The following STPG2 variants were observed in gnomAD, a reference collection of about 807,000 sequenced individuals.
STPG2 encodes sperm-tail PG-rich repeat-containing protein 2.
Under a neutral mutation model 54.2 loss-of-function variants are expected in STPG2, and 56 were observed. That is an observed-to-expected ratio of 1.03 (90% CI 0.83 to 1.29). STPG2 has a LOEUF of 1.29. Among genes scored for constraint, STPG2 ranks in the 50% most tolerant of loss-of-function variants. The probability of loss-of-function intolerance (pLI) is 0.00; values close to 1 mark genes in which losing one functional copy is unlikely to be tolerated. For synonymous variants in STPG2, 200 were observed against 181.8 expected (o/e 1.10, Z -0.81); for missense variants, 596 against 544.9 (o/e 1.09, Z -0.93).
At chr4:97,688,169 T>A (rs1449340870) in intron 10 of STPG2, among the ~76,000 whole-genome samples, 2 of 152,186 alleles carry the variant, frequency 1.3e-5, no homozygotes, top group African/African-American at 2.4e-5. Context: ...CTGCTTTTTT[T>A]AATGTACTAC....
intron 4 of STPG2, among the ~76,000 whole-genome samples, chr4:97,501,488 T>C (rs531023765): frequency 5.0e-4 from 76 of 151,960 alleles, no homozygotes; most frequent in Admixed American, 1.2e-3. Context: ...GGTAGGCAGA[T>C]TGCCTGAGCT....
intron 9 of STPG2, among the ~76,000 whole-genome samples, chr4:97,783,081 G>A (rs1726702360): frequency 6.6e-6 from 1 of 152,156 alleles, no homozygotes; most frequent in Admixed American, 6.5e-5. Flanking sequence ...TTCACAAATT[G>A]GATCTAATTA....
intron 4 of STPG2, among the ~76,000 whole-genome samples, chr4:97,538,497 G>C (rs996267915): frequency 6.6e-6 from 1 of 152,134 alleles, no homozygotes; most frequent in Admixed American, 6.5e-5. Context: ...AGAGAAAAAA[G>C]AATACGAAGA....
chr4:97,999,468 C>T (rs1200085000), intron 5 of STPG2, among the ~76,000 whole-genome samples: 6 of 151,812 alleles, frequency 4.0e-5, no homozygotes, highest in Admixed American at 6.6e-5. Context: ...TTTGGGAGGC[C>T]GAGGTGGGCA....
chr4:97,772,042 C>T (rs777816634), intron 9 of STPG2, among the ~76,000 whole-genome samples: 10 of 152,210 alleles, frequency 6.6e-5, no homozygotes, highest in Non-Finnish European at 1.2e-4. Flanking sequence ...TGGAGAGCCC[C>T]TTCCTCCTGA....
chr4:98,092,082 G>A (rs1180395847), intron 5 of STPG2, among the ~76,000 whole-genome samples: 1 of 151,990 alleles, frequency 6.6e-6, no homozygotes, highest in Non-Finnish European at 1.5e-5. Context: ...AATAAGACTT[G>A]AAGAGATAAG....
At chr4:97,498,053 T>C (rs182149070) in intron 4 of STPG2, among the ~76,000 whole-genome samples, 10 of 152,060 alleles carry the variant, frequency 6.6e-5, no homozygotes, top group Non-Finnish European at 1.5e-4. Context: ...TAGTGAAAGA[T>C]GAAAATTCAA....
intron 7 of STPG2, among the ~76,000 whole-genome samples, chr4:97,958,920 C>A (rs1398144625): frequency 1.3e-5 from 2 of 152,136 alleles, no homozygotes; most frequent in Non-Finnish European, 2.9e-5. Flanking sequence ...GCAGACTATA[C>A]ATTCTATTCA....
intron 4 of STPG2, among the ~76,000 whole-genome samples, chr4:97,527,006 T>C (rs971627595): frequency 4.6e-5 from 7 of 151,966 alleles, no homozygotes; most frequent in Non-Finnish European, 7.4e-5. Flanking sequence ...CAAAGCTTTT[T>C]TTTTTTTTAA....
At chr4:97,951,618 CTT>C (rs1319311685) in intron 7 of STPG2, among the ~76,000 whole-genome samples, 1 of 151,918 alleles carries the variant, frequency 6.6e-6, no homozygotes, top group African/African-American at 2.4e-5. Flanking sequence ...TATAGAGACT[CTT>C]TGCATGATAA....
At chr4:97,676,657 T>C (rs1489873003) in intron 10 of STPG2, among the ~76,000 whole-genome samples, 2 of 152,108 alleles carry the variant, frequency 1.3e-5, no homozygotes, top group Non-Finnish European at 2.9e-5. Context: ...CTGGTTTCAG[T>C]ACTGCCACTA....
At chr4:98,054,991 AAT>A (rs1347195985) in intron 5 of STPG2, among the ~76,000 whole-genome samples, 1 of 152,084 alleles carries the variant, frequency 6.6e-6, no homozygotes, top group Non-Finnish European at 1.5e-5. Context: ...ACTCTCCAGA[AAT>A]AGAGTCTACA....
chr4:97,708,241 T>C (rs566919628), intron 10 of STPG2, among the ~76,000 whole-genome samples: 94 of 152,092 alleles, frequency 6.2e-4, no homozygotes, highest in African/African-American at 2.2e-3. Flanking sequence ...AATGGTTTTT[T>C]TGAAAAATAA....
intron 10 of STPG2, among the ~76,000 whole-genome samples, chr4:97,638,447 G>T (rs1408914006): frequency 3.4e-4 from 52 of 152,116 alleles, no homozygotes; most frequent in Non-Finnish European, 1.3e-4. Context: ...AGGACTTCAT[G>T]TCTAAAACAC....
At chr4:97,785,705 T>C (rs1025171486) in intron 9 of STPG2, among the ~76,000 whole-genome samples, 1 of 152,112 alleles carries the variant, frequency 6.6e-6, no homozygotes, top group Admixed American at 6.5e-5. Flanking sequence ...AACAAAAATA[T>C]CTTCGTTCCC....
At chr4:97,646,012 A>T (rs1184263571) in intron 10 of STPG2, among the ~76,000 whole-genome samples, 6 of 152,112 alleles carry the variant, frequency 3.9e-5, no homozygotes, top group African/African-American at 1.2e-4. Flanking sequence ...CTTCATCTTT[A>T]TAAATAAATA....
At chr4:98,041,763 G>A (rs748164977) in intron 5 of STPG2, among the ~76,000 whole-genome samples, 1 of 151,700 alleles carries the variant, frequency 6.6e-6, no homozygotes, top group Non-Finnish European at 1.5e-5. Context: ...TTTTGCATCT[G>A]TGTTCATCAG....
intron 10 of STPG2, among the ~76,000 whole-genome samples, chr4:97,706,157 A>T (rs1022647474): frequency 1.3e-5 from 2 of 152,116 alleles, no homozygotes; most frequent in Admixed American, 1.3e-4. Flanking sequence ...AACATATATA[A>T]TATATAAAGC....
chr4:98,079,009 C>G (rs761485139), intron 5 of STPG2, among the ~76,000 whole-genome samples: 2 of 152,026 alleles, frequency 1.3e-5, no homozygotes, highest in South Asian at 4.1e-4. Context: ...TTTCAATATA[C>G]TACTAAATTC....
Sources: gnomAD v4.1 joint callset for allele counts (sites outside exome capture counted in the v4.1 genomes callset) on GRCh38, gnomAD v4.1.1 for gene constraint, MANE v1.5 for transcripts, NCBI Gene and HGNC (gene_info 2026-07-23, HGNC 2026-07-21) for gene names.